Variants in SMURF1 observed in about 807,000 individuals in gnomAD.
SMURF1 encodes E3 ubiquitin-protein ligase SMURF1.
A neutral mutation model predicts 98.0 loss-of-function variants in SMURF1; 44 were observed. That is an observed-to-expected ratio of 0.45 (90% CI 0.35 to 0.58). The LOEUF is 0.58. Ranked by LOEUF, SMURF1 falls within the 20% of genes least tolerant of loss-of-function variation. SMURF1 has a pLI of 0.00. For synonymous variants in SMURF1, 396 were observed against 374.9 expected, an observed-to-expected ratio of 1.06 and a Z score of -0.65; for missense variants, 687 against 938.4, an observed-to-expected ratio of 0.73 and a Z score of 3.50.
At chr7:99,061,168 G>A (rs949210388) in intron 2 of SMURF1, among the ~76,000 whole-genome samples, 5 of 152,160 alleles carry the variant, frequency 3.3e-5, no homozygotes, top group Admixed American at 3.3e-4. Flanking sequence ...AGATGGACAC[G>A]AGCCACCATG....
chr7:99,062,949 G>A (rs1156578099), intron 1 of SMURF1, among the ~76,000 whole-genome samples: 2 of 151,854 alleles, frequency 1.3e-5, no homozygotes, highest in Non-Finnish European at 2.9e-5. Flanking sequence ...TTACTGTTAA[G>A]AGAGTTTGTC....
At chr7:99,045,133 C>T (rs929170288) in intron 11 of SMURF1, among the ~76,000 whole-genome samples, 8 of 151,314 alleles carry the variant, frequency 5.3e-5, no homozygotes, top group African/African-American at 1.9e-4. Context: ...AGCAAGACCC[C>T]GTCTCAAAAA....
At chr7:99,090,333 G>A (rs893327685) in intron 1 of SMURF1, among the ~76,000 whole-genome samples, 1 of 152,154 alleles carries the variant, frequency 6.6e-6, no homozygotes, top group South Asian at 2.1e-4. Flanking sequence ...AGTAGAACTA[G>A]TTGATCATGG....
At chr7:99,067,897 T>C (rs1200934072) in intron 1 of SMURF1, among the ~76,000 whole-genome samples, 1 of 152,094 alleles carries the variant, frequency 6.6e-6, no homozygotes, top group Non-Finnish European at 1.5e-5. Flanking sequence ...GAGGTTGCAG[T>C]GAGCCAAGAT....
chr7:99,087,556 G>A (rs907598228), intron 1 of SMURF1, among the ~76,000 whole-genome samples: 6 of 152,126 alleles, frequency 3.9e-5, no homozygotes, highest in Non-Finnish European at 7.4e-5. Context: ...AGAATAAAAC[G>A]ACAATGGCAC....
chr7:99,058,246 C>G (rs1372067260), intron 3 of SMURF1, among the ~76,000 whole-genome samples: 2 of 152,104 alleles, frequency 1.3e-5, no homozygotes, highest in African/African-American at 4.8e-5. Context: ...TCTCCTGCCT[C>G]AGCCTCCCCA....
intron 1 of SMURF1, among the ~76,000 whole-genome samples, chr7:99,071,505 A>T (rs1362975861): frequency 6.6e-6 from 1 of 152,156 alleles, no homozygotes; most frequent in African/African-American, 2.4e-5. Context: ...CTATTTTTTA[A>T]CATTAAAATG....
intron 3 of SMURF1, 40 bp downstream of exon 3, chr7:99,060,559 C>T: frequency 6.9e-7 from 1 of 1,447,046 alleles, no homozygotes; most frequent in Non-Finnish European, 9.6e-7. Context: ...CACCTGCTTT[C>T]CTGCCGCTCC....
chr7:99,046,142 T>C (rs921379443), intron 10 of SMURF1, among the ~76,000 whole-genome samples: 2 of 152,138 alleles, frequency 1.3e-5, no homozygotes, highest in East Asian at 3.9e-4. Flanking sequence ...TATAAACAAC[T>C]TGTGCATCGC....
intron 1 of SMURF1, among the ~76,000 whole-genome samples, chr7:99,113,656 C>T (rs977805733): frequency 6.6e-6 from 1 of 151,700 alleles, no homozygotes; most frequent in Non-Finnish European, 1.5e-5. Flanking sequence ...CTGGCTAACA[C>T]GGTGAAACCC....
At chr7:99,036,904 C>T (rs1173374913) in intron 15 of SMURF1, among the ~76,000 whole-genome samples, 163 bp downstream of exon 15, 5 of 152,192 alleles carry the variant, frequency 3.3e-5, no homozygotes, top group African/African-American at 9.6e-5. Flanking sequence ...TGAACACCCT[C>T]TACTCCCCAC....
chr7:99,061,776 G>A (rs753907057), intron 2 of SMURF1, 23 bp downstream of exon 2: 3 of 1,576,198 alleles, frequency 1.9e-6, no homozygotes, highest in Non-Finnish European at 2.6e-6. Flanking sequence ...TTATAAGAGG[G>A]AAAAAAATAA....
intron 1 of SMURF1, among the ~76,000 whole-genome samples, chr7:99,127,668 T>C (rs1386267004): frequency 6.6e-6 from 1 of 152,210 alleles, no homozygotes; most frequent in African/African-American, 2.4e-5. Flanking sequence ...TACTTAGAAA[T>C]ACTAACTAAA....
intron 1 of SMURF1, among the ~76,000 whole-genome samples, chr7:99,069,690 TC>T (rs1471815640): frequency 7.1e-6 from 1 of 140,432 alleles, no homozygotes; most frequent in African/African-American, 2.5e-5. Flanking sequence ...ATTTAGGATA[TC>T]TTCAAATTTG....
rs912643615 is a variant in SMURF1, at chr7:99,095,140, C to T, written c.56-33303G>A. On this transcript the variant is annotated intron_variant, in intron 1 of 17. Coordinates refer to ENST00000361368, the MANE Select transcript of SMURF1 (RefSeq NM_181349.3). ...TGTCACCCAGGCTAGAGTGCAATGGCGCGATCTCGGCTCACTGCAACCTCC... is the reference window on the plus strand; with the variant it reads ...TGTCACCCAGGCTAGAGTGCAATGGTGCGATCTCGGCTCACTGCAACCTCC... Among the ~76,000 whole-genome samples, 4 of 152,196 alleles carry T rather than the reference C, an allele frequency of 2.6e-5. No individual in the cohort carries two copies. The East Asian group carries it at 5.8e-4, about 22-fold the overall frequency.
At chr7:99,126,741 A>G (rs2150633073) in intron 1 of SMURF1, among the ~76,000 whole-genome samples, 1 of 152,352 alleles carries the variant, frequency 6.6e-6, no homozygotes, top group East Asian at 1.9e-4. Flanking sequence ...GATAAGATGC[A>G]TTGATCTGAT....
At chr7:99,098,961 T>C (rs1003172939) in intron 1 of SMURF1, among the ~76,000 whole-genome samples, 8 of 152,116 alleles carry the variant, frequency 5.3e-5, no homozygotes, top group Non-Finnish European at 8.8e-5. Flanking sequence ...AAATAAATAA[T>C]GTGAATAGCG....
chr7:99,049,539 C>CA, intron 9 of SMURF1, 24 bp downstream of exon 9: 1 of 1,605,068 alleles, frequency 6.2e-7, no homozygotes, highest in African/African-American at 1.3e-5. Context: ...AAGAGGTCAG[C>CA]AAAAAATATT....
At chr7:99,056,578 C>G (rs1394755067) in intron 5 of SMURF1, among the ~76,000 whole-genome samples, 1 of 152,136 alleles carries the variant, frequency 6.6e-6, no homozygotes, top group African/African-American at 2.4e-5. Flanking sequence ...GTGTGGCCAC[C>G]ATTCTTATTA....
Sources: allele counts gnomAD v4.1 joint callset (sites outside exome capture counted in the v4.1 genomes callset), GRCh38; gene constraint gnomAD v4.1.1; transcripts MANE v1.5; gene names NCBI Gene and HGNC (gene_info 2026-07-23, HGNC 2026-07-21).